PATL2: variants seen among roughly 807,000 people sequenced by gnomAD.
The protein encoded by PATL2 is protein PAT1 homolog 2.
Under a neutral mutation model 77.0 loss-of-function variants are expected in PATL2, and 73 were observed. The observed-to-expected ratio is 0.95, with a 90% CI of 0.78 to 1.15. The LOEUF is 1.15. Ranked by LOEUF, PATL2 falls within the 50% of genes most tolerant of loss-of-function variation. The pLI is 0.00. For missense variants in PATL2, 618 were observed against 655.4 expected (o/e 0.94, Z 0.62); for synonymous variants, 265 against 257.1 (o/e 1.03, Z -0.29).
chr15:44,698,396 T>C (rs1387644994), intron 3 of PATL2, among the ~76,000 whole-genome samples: 2 of 152,158 alleles, frequency 1.3e-5, no homozygotes, highest in African/African-American at 4.8e-5. Flanking sequence ...CTCCCCCGAC[T>C]ACTCTTCCCA....
chr15:44,682,743 T>C (rs1462894482), intron 3 of PATL2, among the ~76,000 whole-genome samples: 2 of 152,186 alleles, frequency 1.3e-5, no homozygotes, highest in Non-Finnish European at 2.9e-5. Flanking sequence ...TATGCCAAAG[T>C]AAATGCTAGA....
intron 3 of PATL2, among the ~76,000 whole-genome samples, chr15:44,695,885 A>T (rs1240879672): frequency 6.6e-6 from 1 of 152,158 alleles, no homozygotes; most frequent in East Asian, 1.9e-4. Context: ...TTTTAGGGGA[A>T]GAGTTCAGAA....
intron 3 of PATL2, among the ~76,000 whole-genome samples, chr15:44,678,171 A>C (rs1163572411): frequency 6.6e-6 from 1 of 152,104 alleles, no homozygotes; most frequent in Non-Finnish European, 1.5e-5. Context: ...CCTTTTTGGT[A>C]ATGTTATTCA....
At chr15:44,678,925 T>C (rs1403118138) in intron 3 of PATL2, among the ~76,000 whole-genome samples, 2 of 152,230 alleles carry the variant, frequency 1.3e-5, no homozygotes, top group Admixed American at 1.3e-4. Context: ...CAATTTCTTC[T>C]TGAGTTTTAA....
chr15:44,678,776 T>A (rs930773370), intron 3 of PATL2, among the ~76,000 whole-genome samples: 1 of 152,072 alleles, frequency 6.6e-6, no homozygotes, highest in Non-Finnish European at 1.5e-5. Flanking sequence ...TGAGACCCCA[T>A]CTCTATTAAA....
At chr15:44,709,012 C>G (rs2086796708) in intron 3 of PATL2, among the ~76,000 whole-genome samples, 1 of 152,168 alleles carries the variant, frequency 6.6e-6, no homozygotes, top group Non-Finnish European at 1.5e-5. Context: ...AATTCTCCTG[C>G]CTCAGCCTCC....
Position 44,675,391 on chromosome 15 carries a change from A to T in PATL2, c.222+95T>A. ...AGTGTTAATCCAGAACTTGTCTTAGAAAAGGGTAGAAAAGAGAAGAGGAAT... is the reference window on the plus strand; with the variant it reads ...AGTGTTAATCCAGAACTTGTCTTAGTAAAGGGTAGAAAAGAGAAGAGGAAT... On this transcript the variant is annotated intron_variant, in intron 5 of 17. Coordinates refer to ENST00000682850, the MANE Select transcript of PATL2 (RefSeq NM_001387263.1). 4 of 1,364,424 alleles carry T rather than the reference A, an allele frequency of 2.9e-6. No homozygotes were observed. In the South Asian group the frequency reaches 4.5e-5, roughly 15 times the overall value. 84.5% of individuals were successfully genotyped at this position (1,364,424 alleles called of 1,614,324 possible).
intron 12 of PATL2, 47 bp from the exon 13 acceptor site, chr15:44,669,460 C>A: frequency 6.5e-7 from 1 of 1,548,598 alleles, no homozygotes; most frequent in Non-Finnish European, 8.7e-7. Context: ...GGTAATATCT[C>A]ATTCTCAAAG....
chr15:44,686,759 A>G (rs1281380085), intron 3 of PATL2, among the ~76,000 whole-genome samples: 2 of 152,254 alleles, frequency 1.3e-5, no homozygotes, highest in African/African-American at 2.4e-5. Context: ...AACTAGCATC[A>G]GAGAATACTA....
chr15:44,689,475 T>C (rs2086336648), intron 3 of PATL2, among the ~76,000 whole-genome samples: 1 of 152,202 alleles, frequency 6.6e-6, no homozygotes, highest in South Asian at 2.1e-4. Flanking sequence ...TGCCCATTAA[T>C]GATAGCCTGG....
chr15:44,693,609 A>T (rs1331410436), intron 3 of PATL2, among the ~76,000 whole-genome samples: 1 of 152,220 alleles, frequency 6.6e-6, no homozygotes, highest in African/African-American at 2.4e-5. Flanking sequence ...ATACCATGTA[A>T]AGTAATGTTT....
chr15:44,690,564 C>T (rs992938746), intron 3 of PATL2, among the ~76,000 whole-genome samples: 1 of 151,698 alleles, frequency 6.6e-6, no homozygotes, highest in African/African-American at 2.4e-5. Context: ...TCTTGAACTC[C>T]TGGGCTCAAG....
At chr15:44,709,534 T>C (rs1052436712) in intron 3 of PATL2, among the ~76,000 whole-genome samples, 9 of 148,476 alleles carry the variant, frequency 6.1e-5, no homozygotes, top group Admixed American at 3.4e-4. Flanking sequence ...TATTAAAAAT[T>C]AAAAAAAAAA....
intron 14 of PATL2, 69 bp from the exon 15 acceptor site, chr15:44,668,551 A>T: frequency 6.6e-7 from 1 of 1,516,182 alleles, no homozygotes; most frequent in South Asian, 1.3e-5. Context: ...TTGCTTCCAC[A>T]GTCCCTTCCC....
chr15:44,668,649 C>T (rs1024415276), intron 14 of PATL2, among the ~76,000 whole-genome samples, 167 bp from the exon 15 acceptor site: 20 of 152,296 alleles, frequency 1.3e-4, no homozygotes, highest in African/African-American at 3.8e-4. Context: ...CTGACACCTT[C>T]GGTACCTACT....
At chr15:44,695,063 C>T (rs919307219) in intron 3 of PATL2, among the ~76,000 whole-genome samples, 1 of 152,056 alleles carries the variant, frequency 6.6e-6, no homozygotes, top group Non-Finnish European at 1.5e-5. Flanking sequence ...TGGCACGTGC[C>T]TGTAGTCCCA....
chr15:44,705,387 G>A (rs932831526), intron 3 of PATL2, among the ~76,000 whole-genome samples: 3 of 152,034 alleles, frequency 2.0e-5, no homozygotes, highest in Non-Finnish European at 2.9e-5. Context: ...TCACGATGTT[G>A]GCGAGGCTGC....
intron 3 of PATL2, among the ~76,000 whole-genome samples, chr15:44,678,518 C>G (rs955262371): frequency 2.6e-5 from 4 of 152,146 alleles, no homozygotes; most frequent in African/African-American, 9.7e-5. Context: ...TTCCTGCCAT[C>G]ATTTCATTAT....
chr15:44,678,557 C>T (rs376555422), intron 3 of PATL2, among the ~76,000 whole-genome samples: 1 of 152,130 alleles, frequency 6.6e-6, no homozygotes, highest in South Asian at 2.1e-4. Context: ...CTATGTTAGG[C>T]TTGGGGTAAA....
Sources: gnomAD v4.1 joint callset for allele counts (sites outside exome capture counted in the v4.1 genomes callset) on GRCh38, gnomAD v4.1.1 for gene constraint, MANE v1.5 for transcripts, NCBI Gene and HGNC (gene_info 2026-07-23, HGNC 2026-07-21) for gene names.